MFAP3L: variants seen among roughly 807,000 people sequenced by gnomAD.
The protein encoded by MFAP3L is microfibril associated protein 3 like.
In MFAP3L, 5 loss-of-function variants were observed where a neutral mutation model predicts 20.0. The observed-to-expected ratio is 0.25, with a 90% CI of 0.13 to 0.53. MFAP3L has a LOEUF of 0.53. Ranked by LOEUF, MFAP3L falls within the 20% of genes least tolerant of loss-of-function variation. The pLI, the probability that MFAP3L is intolerant of heterozygous loss-of-function variation, is 0.96. For missense variants in MFAP3L, 409 were observed against 527.5 expected, an observed-to-expected ratio of 0.78 and a Z score of 2.20; for synonymous variants, 219 against 213.0, an observed-to-expected ratio of 1.03 and a Z score of -0.25.
intron 1 of MFAP3L, among the ~76,000 whole-genome samples, chr4:170,015,240 G>A (rs1039783346): frequency 3.9e-5 from 6 of 152,160 alleles, no homozygotes; most frequent in Non-Finnish European, 5.9e-5. Context: ...AGGAGATGAC[G>A]CCTGGGAGTC....
intron 2 of MFAP3L, 168 bp downstream of exon 2, chr4:170,005,412 A>T: frequency 1.3e-6 from 1 of 782,366 alleles, no homozygotes; most frequent in Non-Finnish European, 2.0e-6. Flanking sequence ...AAAATGAATT[A>T]ATTGCTTCTT....
intron 1 of MFAP3L, among the ~76,000 whole-genome samples, chr4:170,017,495 T>C (rs1369157083): frequency 1.3e-5 from 2 of 152,160 alleles, no homozygotes; most frequent in Admixed American, 1.3e-4. Flanking sequence ...AGCGTAAGAA[T>C]CTGGGGCCAA....
chr4:169,995,285 G>A (rs377343649), intron 2 of MFAP3L, among the ~76,000 whole-genome samples: 2 of 152,222 alleles, frequency 1.3e-5, no homozygotes, highest in East Asian at 3.9e-4. Flanking sequence ...GAGAACTAAG[G>A]TCCCGTAGCC....
chr4:170,013,790 C>A (rs1003467333), intron 1 of MFAP3L, among the ~76,000 whole-genome samples: 1 of 152,142 alleles, frequency 6.6e-6, no homozygotes, highest in East Asian at 1.9e-4. Context: ...TATTCTTATT[C>A]ATTCATTCAT....
chr4:169,990,999 T>C lies in MFAP3L; in HGVS notation c.*379A>G, dbSNP rs938821339. The C allele has an allele frequency of 4.8e-6, 1 of 209,052 alleles. No homozygotes were observed. The highest frequency in any genetic ancestry group is 1.1e-4 in the East Asian group (1 of 9,090). The allele number at this position is 209,052 out of a possible 1,614,324, so 12.9% of individuals were successfully genotyped here. On this transcript the variant is annotated 3_prime_UTR_variant, in exon 3 of 3. Coordinates refer to ENST00000361618, the MANE Select transcript of MFAP3L (RefSeq NM_021647.8). ...TGCATTTGCTATTGTAGCAGACCTA[T>C]ACTTTTTAAAAGGAAAAGCAATGCA...
At chr4:169,997,045 C>A (rs140340837) in intron 2 of MFAP3L, among the ~76,000 whole-genome samples, 3 of 151,230 alleles carry the variant, frequency 2.0e-5, no homozygotes, top group African/African-American at 4.9e-5. Flanking sequence ...TGCAGCCAAG[C>A]GTGAGAAGTT....
chr4:170,001,851 G>A, intron 2 of MFAP3L: 1 of 855,692 alleles, frequency 1.2e-6, no homozygotes, highest in Non-Finnish European at 1.4e-6. Context: ...CTGTGGAATT[G>A]AAGTGACAGC....
Position 170,026,052 on chromosome 4 carries a change from G to T in MFAP3L, c.-134+182C>A, listed in dbSNP as rs113926383. Among the ~76,000 whole-genome samples the T allele has an allele frequency of 4.1e-3, 622 of 152,010 alleles. 8 individuals are homozygous for T. The highest frequency in any genetic ancestry group is 0.013 in the African/African-American group (552 of 41,486). The stretch of plus-strand genomic sequence containing the variant: ...CCGCACGGATCTCGAAGCATCCTGC[G>T]ACCCCCTGGAGCCCGCTGCCCGGAC... On this transcript the variant is annotated intron_variant, in intron 1 of 2. Transcript: ENST00000361618.
chr4:169,991,237 G>T lies in MFAP3L; in HGVS notation c.*141C>A. The T allele has an allele frequency of 1.2e-6, 1 of 862,430 alleles. No homozygotes were observed. Among genetic ancestry groups the T allele is most frequent in the Non-Finnish European group, 1.8e-6 (1 of 564,090 alleles). The allele number at this position is 862,430 out of a possible 1,614,324, so 53.4% of individuals were successfully genotyped here. A position where few individuals can be genotyped will look rare whatever the true frequency, so the allele number is the denominator to read the frequency against. ...CCAGTCCCATTCACTGCAGGCAGGTGTTTCTCCTTTTAAAGTGGCATCACT... is the reference window on the plus strand; with the variant it reads ...CCAGTCCCATTCACTGCAGGCAGGTTTTTCTCCTTTTAAAGTGGCATCACT... On this transcript the variant is annotated 3_prime_UTR_variant, in exon 3 of 3. Transcript: ENST00000361618. This position sits in a 1 kb window ranked among gnomAD's most constrained non-coding sequence, Gnocchi z 4.9.
At position 169,986,617 on chromosome 4, in the gene MFAP3L, C is replaced by A. The variant is rs1737292373; in HGVS notation, c.*4761G>T. 1 of 152,154 alleles carries A rather than the reference C, an allele frequency of 6.6e-6. No individual in the cohort carries two copies. The highest frequency in any genetic ancestry group is 1.5e-5 in the Non-Finnish European group (1 of 68,022). 9.4% of individuals were successfully genotyped at this position (152,154 alleles called of 1,614,324 possible). A position where few individuals can be genotyped will look rare whatever the true frequency, so the allele number is the denominator to read the frequency against. ...ACACATTCCACACAGCTGTGCAAACCCTTTATTAAAGCATCAATCAAAATA... is the reference window on the plus strand; with the variant it reads ...ACACATTCCACACAGCTGTGCAAACACTTTATTAAAGCATCAATCAAAATA... On this transcript the variant is annotated 3_prime_UTR_variant, in exon 3 of 3. Coordinates refer to ENST00000361618, the MANE Select transcript of MFAP3L (RefSeq NM_021647.8).
chr4:169,998,205 TCTC>T (rs576197011), intron 2 of MFAP3L, among the ~76,000 whole-genome samples: 9 of 152,340 alleles, frequency 5.9e-5, no homozygotes, highest in Admixed American at 3.9e-4. Flanking sequence ...TGGCCCAATG[TCTC>T]CTCAATAGGA....
Position 169,995,767 on chromosome 4 carries a change from A to G in MFAP3L, c.299-3458T>C, listed in dbSNP as rs566984031. Among the ~76,000 whole-genome samples the G allele has an allele frequency of 2.0e-5, 3 of 152,298 alleles. No homozygotes were observed. In the South Asian group the frequency reaches 6.2e-4, roughly 32 times the overall value. ...GCAGTCCCCATGTATTTTAAACTGT[A>G]ACTGAGTGGGTATGTCAAGCTTATG... On this transcript the variant is annotated intron_variant, in intron 2 of 2. Transcript: ENST00000361618.
chr4:169,997,878 T>A, intron 2 of MFAP3L: 1 of 883,790 alleles, frequency 1.1e-6, no homozygotes, highest in Middle Eastern at 5.9e-4. Context: ...GTTGTCAGGC[T>A]GGTAACACTG....
intron 1 of MFAP3L, among the ~76,000 whole-genome samples, chr4:170,023,789 G>A (rs767015568): frequency 1.3e-5 from 2 of 152,292 alleles, no homozygotes; most frequent in South Asian, 2.1e-4. Flanking sequence ...ATATTTATTT[G>A]TATTCCAGTA....
upstream of MFAP3L, chr4:170,026,569 A>AGCCAGTCGGTGCTGCGGC (rs1730448943): frequency 6.6e-6 from 1 of 151,022 alleles, no homozygotes; most frequent in African/African-American, 2.4e-5. Flanking sequence ...GGTGCTGCGG[A>AGCCAGTCGGTGCTGCGGC]GCGGCCCCGC....
rs1730416895 is a variant in MFAP3L at position 170,026,376 on chromosome 4, T to C, written c.-276A>G. ...CGCCTCCGCCGGCGCCTCACAGCGT[T>C]GCGAGCTGCGCCGCCGGCTGCCGGG... On this transcript the variant is annotated 5_prime_UTR_variant, in exon 1 of 3. Coordinates refer to ENST00000361618, the MANE Select transcript of MFAP3L (RefSeq NM_021647.8). 1 of 789,504 alleles carries C rather than the reference T, an allele frequency of 1.3e-6. No individual in the cohort carries two copies. The highest frequency in any genetic ancestry group is 6.3e-5 in the Admixed American group (1 of 15,814). The allele number at this position is 789,504 out of a possible 1,614,324, so 48.9% of individuals were successfully genotyped here. A position where few individuals can be genotyped will look rare whatever the true frequency, so the allele number is the denominator to read the frequency against.
In MFAP3L at chr4:169,992,450, T is replaced by C. The variant is rs767220044; in HGVS notation, c.299-141A>G. On this transcript the variant is annotated intron_variant, in intron 2 of 2. Coordinates refer to ENST00000361618, the MANE Select transcript of MFAP3L (RefSeq NM_021647.8). This position sits in a 1 kb window ranked among gnomAD's most constrained non-coding sequence, Gnocchi z 4.3. ...GAACGTCGACTTCACATGCTTACTA[T>C]GCGGCAGGCAGTGACATGCATCAGC... 7.0e-5 allele frequency: 51 copies of C among 729,530 alleles called. 1 individual carries two copies. Among genetic ancestry groups the C allele is most frequent in the Middle Eastern group, 3.9e-4 (1 of 2,556 alleles). The allele number at this position is 729,530 out of a possible 1,614,324, so 45.2% of individuals were successfully genotyped here.
rs1453733474 is a variant in MFAP3L, at chr4:169,987,393, G to C, written c.*3985C>G. 1 of 152,172 alleles carries C rather than the reference G, an allele frequency of 6.6e-6. No homozygotes were observed. The highest frequency in any genetic ancestry group is 6.6e-5 in the Admixed American group (1 of 15,266). 9.4% of individuals were successfully genotyped at this position (152,172 alleles called of 1,614,324 possible). On this transcript the variant is annotated 3_prime_UTR_variant, in exon 3 of 3. Transcript: ENST00000361618. The stretch of plus-strand genomic sequence containing the variant: ...ATTACTCAATGCCAAAAGGGTACGT[G>C]AAGAGCGGTAAAGGAAAGTATCTGA...
chr4:170,016,008 G>T (rs1440048445), intron 1 of MFAP3L, among the ~76,000 whole-genome samples: 1 of 151,882 alleles, frequency 6.6e-6, no homozygotes, highest in Non-Finnish European at 1.5e-5. Context: ...ATGGCAATTT[G>T]GGAATGTAAT....
Sources: allele counts gnomAD v4.1 joint callset (sites outside exome capture counted in the v4.1 genomes callset), GRCh38; gene constraint gnomAD v4.1.1; non-coding constraint Gnocchi (gnomAD v3.1); transcripts MANE v1.5; gene names NCBI Gene and HGNC (gene_info 2026-07-23, HGNC 2026-07-21).